The following DBF4 variants were observed in gnomAD, a reference collection of about 807,000 sequenced individuals.
The protein encoded by DBF4 is DBF4-CDC7 kinase regulatory subunit, also known as protein DBF4 homolog A.
Under a neutral mutation model 76.6 loss-of-function variants are expected in DBF4, and 25 were observed. The observed-to-expected ratio is 0.33, with a 90% confidence interval of 0.24 to 0.46. The LOEUF is 0.46. Ranked by LOEUF, DBF4 falls within the 20% of genes least tolerant of loss-of-function variation. The pLI is 1.00. For synonymous variants in DBF4, 213 were observed against 258.0 expected, an observed-to-expected ratio of 0.83 and a Z score of 1.67; for missense variants, 638 against 760.8, an observed-to-expected ratio of 0.84 and a Z score of 1.90.
chr7:87,885,332 C>T lies in DBF4; in HGVS notation c.399+174C>T, dbSNP rs1839319171. 4 of 514,230 alleles carry T rather than the reference C, an allele frequency of 7.8e-6. No homozygotes were observed. The East Asian group carries it at 1.2e-4, about 16-fold the overall frequency. 31.9% of individuals were successfully genotyped at this position (514,230 alleles called of 1,614,324 possible). On this transcript the variant is annotated intron_variant, in intron 3 of 11. Coordinates refer to ENST00000265728, the MANE Select transcript of DBF4 (RefSeq NM_006716.4). The stretch of plus-strand genomic sequence containing the variant: ...CTGTCTTTTAGGAAGGTGGGTTTTT[C>T]CTAATAGTTCTTGTGTAATCATACT...
chr7:87,882,661 C>T (rs771549025), intron 2 of DBF4, among the ~76,000 whole-genome samples: 1 of 152,054 alleles, frequency 6.6e-6, no homozygotes, highest in Non-Finnish European at 1.5e-5. Context: ...GGCAGAGGAA[C>T]TGAAAAGACA....
chr7:87,898,015 T>C (rs2131067159), intron 8 of DBF4, among the ~76,000 whole-genome samples: 1 of 152,320 alleles, frequency 6.6e-6, no homozygotes, highest in Middle Eastern at 3.4e-3. Flanking sequence ...TGACCTCAAG[T>C]GATCCGCCTG....
At chr7:87,894,865 G>A (rs1357642660) in intron 6 of DBF4, among the ~76,000 whole-genome samples, 3 of 152,036 alleles carry the variant, frequency 2.0e-5, no homozygotes, top group Non-Finnish European at 2.9e-5. Flanking sequence ...TCAGAAGTTC[G>A]ATTGTGCCTA....
Position 87,900,843 on chromosome 7 carries a change from G to T in DBF4, c.889G>T (p.Glu297Ter). 2 of 1,613,176 alleles carry T rather than the reference G, an allele frequency of 1.2e-6. No homozygotes were observed. Among genetic ancestry groups the T allele is most frequent in the Non-Finnish European group, 1.7e-6 (2 of 1,179,522 alleles). ...AGAGAAGAAGAAAAAAGGATATTGTGAATGTTGCTTGCAGAAATATGAAGA... is the reference window on the plus strand; with the variant it reads ...AGAGAAGAAGAAAAAAGGATATTGTTAATGTTGCTTGCAGAAATATGAAGA... ...LKEKKKKGYC[E>*]CCLQKYEDLE... Residue 297 changes from glutamate (E) to a stop codon, truncating the protein, a stop_gained, in exon 10 of 12, where the codon GAA becomes TAA. Transcript: ENST00000265728. LOFTEE classifies it high-confidence loss of function.
intron 3 of DBF4, 125 bp downstream of exon 3, chr7:87,885,283 G>C: frequency 1.3e-6 from 1 of 749,746 alleles, no homozygotes; most frequent in Non-Finnish European, 2.1e-6. Context: ...ATGATGTGTG[G>C]CTCTCTAGTC....
In DBF4 at chr7:87,896,517, A is replaced by C; in HGVS notation, c.634+7A>C. On this transcript the variant is annotated splice_region_variant and intron_variant, in intron 7 of 11. Coordinates refer to ENST00000265728, the MANE Select transcript of DBF4 (RefSeq NM_006716.4). The stretch of plus-strand genomic sequence containing the variant: ...GGTGCACAAAAAACAAGAAGTAAGT[A>C]TTTTGTGATCTTTAAGTGTATTTGG... 6.2e-7 allele frequency: 1 copy of C among 1,610,500 alleles called. No homozygotes were observed.
chr7:87,881,833 C>G, intron 2 of DBF4, among the ~76,000 whole-genome samples: 1 of 152,164 alleles, frequency 6.6e-6, no homozygotes, highest in East Asian at 1.9e-4. Context: ...GAATGATTAA[C>G]TCTGCCGTTT....
At chr7:87,893,357 T>G (rs1839542834) in intron 6 of DBF4, among the ~76,000 whole-genome samples, 1 of 151,110 alleles carries the variant, frequency 6.6e-6, no homozygotes, top group African/African-American at 2.4e-5. Flanking sequence ...GCCATTCTCC[T>G]GCCTCAGCCT....
Position 87,904,383 on chromosome 7 carries a change from T to C in DBF4, c.1016T>C (p.Val339Ala), listed in dbSNP as rs950329103. Residue 339 changes from valine to alanine, a missense_variant, in exon 11 of 12, where the codon GTG becomes GCG. Transcript: ENST00000265728. ...DIVSKLVFDF[V>A]EYEKDTPKKK... ...GTATCTAAGTTAGTTTTTGACTTTG[T>C]GGAATATGAAAAGGACACACCTAAA... The C allele has an allele frequency of 3.1e-6, 5 of 1,613,568 alleles. No individual in the cohort carries two copies. The highest frequency in any genetic ancestry group is 4.2e-6 in the Non-Finnish European group (5 of 1,179,732).
chr7:87,880,282 A>G (rs1051288099), intron 2 of DBF4, among the ~76,000 whole-genome samples: 1 of 152,152 alleles, frequency 6.6e-6, no homozygotes, highest in Non-Finnish European at 1.5e-5. Context: ...TGCCATACAT[A>G]ATAGTTGAGG....
chr7:87,907,608 A>G lies in DBF4; in HGVS notation c.1470A>G (p.Val490=). 6.2e-7 allele frequency: 1 copy of G among 1,614,118 alleles called. No individual in the cohort carries two copies. Among genetic ancestry groups the G allele is most frequent in the Non-Finnish European group, 8.5e-7 (1 of 1,179,966 alleles). ...ATAAATGTAACATACAGGCATCTGT[A>G]CATGTTTCTGATTTCAGTACAGATA... The part of the protein sequence containing the change: ...DHYKCNIQAS[V]HVSDFSTDNS... The change falls in exon 12 of 12, where the codon GTA becomes GTG. Residue 490 remains valine (V), a synonymous_variant. Transcript: ENST00000265728.
intron 8 of DBF4, among the ~76,000 whole-genome samples, chr7:87,898,648 G>A (rs1478936486): frequency 1.3e-5 from 2 of 151,836 alleles, no homozygotes; most frequent in East Asian, 1.9e-4. Context: ...AAAATTAGCC[G>A]GGCCTGGTGG....
intron 6 of DBF4, among the ~76,000 whole-genome samples, chr7:87,888,965 A>T (rs944155612): frequency 6.6e-5 from 10 of 152,234 alleles, no homozygotes; most frequent in African/African-American, 2.4e-4. Flanking sequence ...TAATAAACTG[A>T]TAAGAGTGTA....
At chr7:87,895,902 T>C (rs1005460746) in intron 6 of DBF4, among the ~76,000 whole-genome samples, 3 of 152,228 alleles carry the variant, frequency 2.0e-5, no homozygotes, top group Non-Finnish European at 1.5e-5. Flanking sequence ...TTGAACCTCA[T>C]TCCTGGTTCT....
At chr7:87,895,150 GC>G (rs1486203173) in intron 6 of DBF4, among the ~76,000 whole-genome samples, 2 of 151,994 alleles carry the variant, frequency 1.3e-5, no homozygotes, top group African/African-American at 4.8e-5. Context: ...TACATGTTCT[GC>G]TATTGAGCTT....
chr7:87,891,750 G>C (rs1047779735), intron 6 of DBF4, among the ~76,000 whole-genome samples: 14 of 152,010 alleles, frequency 9.2e-5, no homozygotes, highest in African/African-American at 3.4e-4. Context: ...TTTTTTGTGT[G>C]TGTGGTTTTC....
chr7:87,877,101 T>C (rs966407791), intron 1 of DBF4, among the ~76,000 whole-genome samples: 5 of 152,202 alleles, frequency 3.3e-5, no homozygotes, highest in Admixed American at 1.3e-4. Flanking sequence ...CTCTCGCATA[T>C]GCTAAGCCTC....
Position 87,876,643 on chromosome 7 carries a change from C to T in DBF4, c.-90C>T. The T allele has an allele frequency of 6.9e-7, 1 of 1,442,438 alleles. No individual in the cohort carries two copies. Among genetic ancestry groups the T allele is most frequent in the Non-Finnish European group, 9.6e-7 (1 of 1,041,520 alleles). 89.4% of individuals were successfully genotyped at this position (1,442,438 alleles called of 1,614,324 possible). On this transcript the variant is annotated 5_prime_UTR_variant, in exon 1 of 12. Transcript: ENST00000265728. ...CTGGCGGAAGGAGAGAGGCGGCCGT[C>T]CTGTCAACAGGCCGGGGGAAGCCGT...
intron 6 of DBF4, among the ~76,000 whole-genome samples, chr7:87,889,372 C>T (rs530596760): frequency 2.6e-5 from 4 of 151,696 alleles, no homozygotes; most frequent in Admixed American, 1.3e-4. Context: ...CTCCTCCTCC[C>T]GGGCTCAAGC....
Sources: allele counts gnomAD v4.1 joint callset (sites outside exome capture counted in the v4.1 genomes callset), GRCh38; gene constraint gnomAD v4.1.1; transcripts MANE v1.5; gene names NCBI Gene and HGNC (gene_info 2026-07-23, HGNC 2026-07-21).